The following IQCK variants were observed in gnomAD, a reference collection of about 807,000 sequenced individuals.
IQCK encodes the protein IQ motif containing K.
IQCK carries 29 observed loss-of-function variants against 28.1 expected under a neutral mutation model. The ratio of observed to expected loss-of-function variants is 1.03; its 90% CI spans 0.77 to 1.41. The LOEUF is 1.41. IQCK is among the 40% of genes most tolerant of loss of function. The pLI, the probability that IQCK is intolerant of heterozygous loss-of-function variation, is 0.00. For missense variants in IQCK, 359 were observed against 314.7 expected (o/e 1.14, Z -1.07); for synonymous variants, 113 against 115.1 (o/e 0.98, Z 0.12).
At chr16:19,723,752 G>A (rs747559261) in intron 1 of IQCK, among the ~76,000 whole-genome samples, 4 of 152,036 alleles carry the variant, frequency 2.6e-5, no homozygotes, top group Non-Finnish European at 5.9e-5. Flanking sequence ...TCAGGAGTTC[G>A]AGACCAGCCT....
chr16:19,727,856 G>A (rs1261059713), intron 1 of IQCK, among the ~76,000 whole-genome samples: 4 of 152,032 alleles, frequency 2.6e-5, no homozygotes, highest in African/African-American at 9.7e-5. Context: ...TTGCCAGAGA[G>A]GAAAAAAATG....
downstream of IQCK, among the ~76,000 whole-genome samples, chr16:19,831,830 C>G (rs1000691173): frequency 6.6e-5 from 10 of 152,046 alleles, no homozygotes; most frequent in Non-Finnish European, 7.3e-5. Context: ...AGAGTCACAT[C>G]AGCTGTCGGG....
At chr16:19,810,814 A>AG (rs1188562120) in intron 7 of IQCK, among the ~76,000 whole-genome samples, 8 of 152,084 alleles carry the variant, frequency 5.3e-5, no homozygotes, top group African/African-American at 1.2e-4. Context: ...AAAAAAAAAA[A>AG]AAAGAAAGAA....
At chr16:19,814,441 T>C (rs955842549) in intron 7 of IQCK, among the ~76,000 whole-genome samples, 1 of 151,360 alleles carries the variant, frequency 6.6e-6, no homozygotes, top group Non-Finnish European at 1.5e-5. Context: ...AACTAATAAA[T>C]CAGTAGAAGG....
At chr16:19,826,152 G>A (rs2056145906) in intron 7 of IQCK, among the ~76,000 whole-genome samples, 1 of 151,796 alleles carries the variant, frequency 6.6e-6, no homozygotes, top group Non-Finnish European at 1.5e-5. Context: ...GACTACAGGT[G>A]TTCACCACCA....
At chr16:19,856,648 C>A in exon 10 of IQCK, 1 of 935,816 alleles carries the variant, frequency 1.1e-6, no homozygotes. Flanking sequence ...TTTAACAAGA[C>A]TTGGAACATG....
Position 19,818,698 on chromosome 16 carries a change from T to TTA in IQCK, c.691-8320_691-8319dup, listed in dbSNP as rs530050516. 1.6e-4 allele frequency among the ~76,000 whole-genome samples: 24 copies of TTA among 152,298 alleles called. 1 individual carries two copies. In the East Asian group the frequency reaches 4.4e-3, roughly 28 times the overall value. On this transcript the variant is annotated intron_variant, in intron 7 of 7. Coordinates refer to ENST00000564186, the Ensembl canonical transcript of IQCK. ...GTGAGCCATCGTGCTCAGCCGTTTTTTATATATATTTAGAGATAAATTGTG... is the reference window on the plus strand; with the variant it reads ...GTGAGCCATCGTGCTCAGCCGTTTTTTATATATATATTTAGAGATAAATTGTG...
chr16:19,718,595 G>C, intron 1 of IQCK, 108 bp downstream of exon 1: 1 of 1,049,328 alleles, frequency 9.5e-7, no homozygotes. Flanking sequence ...GGGGCCGCCG[G>C]GCAGCGGCTC....
At chr16:19,841,913 T>C (rs911189287) in intron 9 of IQCK, among the ~76,000 whole-genome samples, 11 of 151,770 alleles carry the variant, frequency 7.2e-5, no homozygotes, top group Non-Finnish European at 1.6e-4. Flanking sequence ...TGGTGCGATC[T>C]CAGCTCACTG....
At chr16:19,721,229 A>G (rs1159218740) in intron 1 of IQCK, among the ~76,000 whole-genome samples, 3 of 152,230 alleles carry the variant, frequency 2.0e-5, no homozygotes, top group Non-Finnish European at 2.9e-5. Flanking sequence ...TTCTCTTAAG[A>G]TAATCTCCAT....
chr16:19,765,324 G>T (rs1597536487), intron 6 of IQCK, among the ~76,000 whole-genome samples: 1 of 151,836 alleles, frequency 6.6e-6, no homozygotes, highest in Admixed American at 6.6e-5. Flanking sequence ...GATCACTTGA[G>T]GTCAGGAGTT....
At chr16:19,767,788 C>T (rs1293258625) in intron 6 of IQCK, among the ~76,000 whole-genome samples, 1 of 152,006 alleles carries the variant, frequency 6.6e-6, no homozygotes, top group Non-Finnish European at 1.5e-5. Flanking sequence ...CTCTACGGAG[C>T]ACTTCCCCTA....
intron 4 of IQCK, among the ~76,000 whole-genome samples, chr16:19,751,583 G>T (rs1187248393): frequency 6.6e-6 from 1 of 152,196 alleles, no homozygotes; most frequent in Non-Finnish European, 1.5e-5. Flanking sequence ...GGTCCAGGTA[G>T]GCAATGAGAG....
At chr16:19,753,383 G>A (rs891755768) in intron 4 of IQCK, among the ~76,000 whole-genome samples, 1 of 152,122 alleles carries the variant, frequency 6.6e-6, no homozygotes, top group Non-Finnish European at 1.5e-5. Context: ...CTATGATCAT[G>A]CCATTACACT....
At chr16:19,843,975 T>A (rs1003706213) in intron 9 of IQCK, among the ~76,000 whole-genome samples, 2 of 152,166 alleles carry the variant, frequency 1.3e-5, no homozygotes, top group African/African-American at 4.8e-5. Context: ...ATCTCACTTA[T>A]CCATTAATCA....
At position 19,822,078 on chromosome 16, in the gene IQCK, A is replaced by C. The variant is rs200445245; in HGVS notation, c.691-4948A>C. ...ATGAGACCCTGTCTCAAAAAAAAAA[A>C]AAAAACAAAAAAAAAAACAAAAAAA... is the stretch of plus-strand genomic sequence containing the variant. On this transcript the variant is annotated intron_variant, in intron 7 of 7. Transcript: ENST00000564186. Among the ~76,000 whole-genome samples, 25 of 145,236 alleles carry C rather than the reference A, an allele frequency of 1.7e-4. 1 individual carries two copies. In the Middle Eastern group the frequency reaches 0.011, roughly 62 times the overall value.
intron 6 of IQCK, among the ~76,000 whole-genome samples, chr16:19,777,533 A>G (rs1423246156): frequency 6.6e-6 from 1 of 152,230 alleles, no homozygotes; most frequent in East Asian, 1.9e-4. Context: ...CGGAGGCCAG[A>G]GAGTCCCAAG....
chr16:19,770,935 T>G (rs953721420), intron 6 of IQCK, among the ~76,000 whole-genome samples: 23 of 152,304 alleles, frequency 1.5e-4, no homozygotes, highest in Non-Finnish European at 3.4e-4. Context: ...TCTGACTCTC[T>G]TTTGCCTCCA....
At chr16:19,761,978 G>T (rs1018665351) in intron 4 of IQCK, 1 of 152,650 alleles carries the variant, frequency 6.6e-6, no homozygotes, top group African/African-American at 2.4e-5. Context: ...ATGGCTAAAA[G>T]GGGCTGCTCC....
Sources: allele counts gnomAD v4.1 joint callset (sites outside exome capture counted in the v4.1 genomes callset), GRCh38; gene constraint gnomAD v4.1.1; transcripts MANE v1.5; gene names NCBI Gene and HGNC (gene_info 2026-07-23, HGNC 2026-07-21).